The following ACTN1 variants were observed in gnomAD, a reference collection of about 807,000 sequenced individuals.
The protein encoded by ACTN1 is alpha-actinin-1.
A neutral mutation model predicts 119.6 loss-of-function variants in ACTN1; 30 were observed. The ratio of observed to expected loss-of-function variants is 0.25; its 90% CI spans 0.19 to 0.34. ACTN1 has a LOEUF of 0.34. Ranked by LOEUF, ACTN1 falls within the 10% of genes least tolerant of loss-of-function variation. The pLI is 1.00. For missense variants in ACTN1, 764 were observed against 1,223.4 expected (o/e 0.62, Z 5.60); for synonymous variants, 429 against 472.6 (o/e 0.91, Z 1.20).
At chr14:68,938,130 C>A (rs1013987107) in intron 1 of ACTN1, among the ~76,000 whole-genome samples, 11 of 152,246 alleles carry the variant, frequency 7.2e-5, no homozygotes, top group Non-Finnish European at 1.5e-4. Context: ...CAGGGGCTGA[C>A]TGCCAGCCCT....
intron 3 of ACTN1, among the ~76,000 whole-genome samples, chr14:68,914,583 T>C (rs531981726): frequency 3.9e-5 from 6 of 152,224 alleles, no homozygotes; most frequent in African/African-American, 1.4e-4. Flanking sequence ...CGGGGCAACA[T>C]AGGAGACCTT....
At chr14:68,904,618 C>T (rs760576693) in intron 7 of ACTN1, 37 bp downstream of exon 7, 13 of 1,592,550 alleles carry the variant, frequency 8.2e-6, no homozygotes, top group Middle Eastern at 1.7e-4. Flanking sequence ...GGCAGGTGGG[C>T]GATGGGCAAG....
At chr14:68,884,124 G>C in intron 14 of ACTN1, 44 bp downstream of exon 14, 1 of 1,581,292 alleles carries the variant, frequency 6.3e-7, no homozygotes, top group Non-Finnish European at 8.6e-7. Flanking sequence ...ATGGGCCAGG[G>C]GCCCCAGGGG....
At position 68,943,578 on chromosome 14, in the gene ACTN1, C is replaced by T. The variant is rs535693301; in HGVS notation, c.106-17906G>A. Reference sequence around the variant, plus strand: ...AAGATCAGCGTTCCATCCTCAGTTTCAAGATGGGGACACTGATGGCAACGT... The same window carrying T: ...AAGATCAGCGTTCCATCCTCAGTTTTAAGATGGGGACACTGATGGCAACGT... On this transcript the variant is annotated intron_variant, in intron 1 of 21. Coordinates refer to ENST00000394419, the MANE Select transcript of ACTN1 (RefSeq NM_001130004.2). Among the ~76,000 whole-genome samples, 25 of 152,258 alleles carry T rather than the reference C, an allele frequency of 1.6e-4. 1 individual carries two copies. The highest frequency in any genetic ancestry group is 1.4e-3 in the Admixed American group (21 of 15,302).
In ACTN1 at chr14:68,884,851, T is replaced by C; in HGVS notation, c.1418A>G (p.Asn473Ser). The C allele has an allele frequency of 1.9e-6, 3 of 1,614,086 alleles. No homozygotes were observed. The highest frequency in any genetic ancestry group is 1.6e-4 in the Middle Eastern group (1 of 6,062). The change falls in exon 13 of 22, where the codon AAC (asparagine) becomes AGC (serine). Residue 473 changes from asparagine (N) to serine (S), a missense_variant. Coordinates refer to ENST00000394419, the MANE Select transcript of ACTN1 (RefSeq NM_001130004.2). The stretch of plus-strand genomic sequence containing the variant: ...GTCACAGATCTTTTGGCAACGGGCG[T>C]TGACACTGGGTGAGTCATAATAGTC... ...ELDYYDSPSV[N>S]ARCQKICDQW...
chr14:68,916,129 C>T (rs1379531691), intron 3 of ACTN1, among the ~76,000 whole-genome samples: 2 of 152,134 alleles, frequency 1.3e-5, no homozygotes, highest in East Asian at 3.9e-4. Flanking sequence ...ATTTCATAAA[C>T]AGTGTTTAAA....
intron 6 of ACTN1, among the ~76,000 whole-genome samples, chr14:68,906,618 G>A (rs1446591585): frequency 1.3e-5 from 2 of 152,128 alleles, no homozygotes; most frequent in Non-Finnish European, 2.9e-5. Flanking sequence ...CCCGCCCCAC[G>A]TGAGTTCCAG....
rs531507168 is a variant in ACTN1, at chr14:68,879,888, C to T, written c.2280+74G>A. On this transcript the variant is annotated intron_variant, in intron 18 of 21. Transcript: ENST00000394419. The surrounding 1 kb of genome is among the most constrained non-coding windows in gnomAD (Gnocchi z 4.9). ...CTCACTTGCATGGCAGCCCACGTCC[C>T]GGGGAAGTGCCCTCCAGGGCCCTGG... 1.0e-5 allele frequency: 16 copies of T among 1,562,564 alleles called. No individual in the cohort carries two copies. The highest frequency in any genetic ancestry group is 1.7e-4 in the Middle Eastern group (1 of 5,820).
At chr14:68,889,933 G>A (rs559326370) in intron 11 of ACTN1, among the ~76,000 whole-genome samples, 1 of 152,374 alleles carries the variant, frequency 6.6e-6, no homozygotes, top group East Asian at 1.9e-4. Flanking sequence ...TTACAAGCCT[G>A]TGAGGTTGGT....
At chr14:68,948,574 TC>T (rs2036021515) in intron 1 of ACTN1, among the ~76,000 whole-genome samples, 1 of 151,538 alleles carries the variant, frequency 6.6e-6, no homozygotes, top group African/African-American at 2.4e-5. Context: ...CAAGACTCCA[TC>T]TTAAAAAAAA....
intron 1 of ACTN1, chr14:68,978,166 C>G: frequency 2.2e-6 from 1 of 456,246 alleles, no homozygotes; most frequent in South Asian, 1.5e-5. Flanking sequence ...CAAATATCCC[C>G]TAAGACTGAC....
intron 10 of ACTN1, among the ~76,000 whole-genome samples, chr14:68,891,561 T>C (rs1202424976): frequency 1.3e-5 from 2 of 152,200 alleles, no homozygotes; most frequent in East Asian, 3.8e-4. Context: ...AAGTTGATAC[T>C]GGGTAGTAAG....
intron 7 of ACTN1, among the ~76,000 whole-genome samples, chr14:68,902,934 A>C (rs751771050): frequency 2.0e-5 from 3 of 152,228 alleles, no homozygotes; most frequent in African/African-American, 4.8e-5. Context: ...TGATTAAAAC[A>C]AACCAACCCT....
At chr14:68,970,470 C>T (rs951511455) in intron 1 of ACTN1, among the ~76,000 whole-genome samples, 1 of 152,174 alleles carries the variant, frequency 6.6e-6, no homozygotes, top group African/African-American at 2.4e-5. Context: ...ACCTGAGCCT[C>T]GGCTGCCTGG....
chr14:68,887,694 G>T, intron 11 of ACTN1: 1 of 1,355,630 alleles, frequency 7.4e-7, no homozygotes, highest in Non-Finnish European at 1.0e-6. Context: ...CTACTAAAAA[G>T]CTTGCATTTA....
At chr14:68,902,645 G>T in intron 7 of ACTN1, 83 bp from the exon 8 acceptor site, 1 of 1,154,736 alleles carries the variant, frequency 8.7e-7, no homozygotes, top group Non-Finnish European at 1.3e-6. Context: ...GAAGCTCGCA[G>T]CACCACCAAG....
chr14:68,947,745 A>G (rs535982009), intron 1 of ACTN1, among the ~76,000 whole-genome samples: 3 of 152,326 alleles, frequency 2.0e-5, no homozygotes, highest in African/African-American at 7.2e-5. Flanking sequence ...TCTGTCCCCA[A>G]ATATGAGGAA....
At chr14:68,936,724 A>G (rs1594844506) in intron 1 of ACTN1, 1 of 638,470 alleles carries the variant, frequency 1.6e-6, no homozygotes, top group East Asian at 3.7e-5. Flanking sequence ...GACAAAGCCT[A>G]TGTTGTCCTT....
At chr14:68,876,984 G>A in intron 21 of ACTN1, 98 bp downstream of exon 21, 1 of 1,421,980 alleles carries the variant, frequency 7.0e-7, no homozygotes, top group Non-Finnish European at 9.5e-7. Flanking sequence ...TGGAAGAAGG[G>A]GCGGTTGAGG....
Sources: allele counts gnomAD v4.1 joint callset (sites outside exome capture counted in the v4.1 genomes callset), GRCh38; gene constraint gnomAD v4.1.1; non-coding constraint Gnocchi (gnomAD v3.1); transcripts MANE v1.5; gene names NCBI Gene and HGNC (gene_info 2026-07-23, HGNC 2026-07-21).